Variants in GRIA4 observed in about 807,000 individuals in gnomAD.
The protein encoded by GRIA4 is glutamate receptor 4.
A neutral mutation model predicts 104.0 loss-of-function variants in GRIA4; 34 were observed. The observed-to-expected ratio is 0.33, with a 90% CI of 0.25 to 0.44. The LOEUF (loss-of-function observed/expected upper bound fraction) is 0.44, where lower values mean the gene tolerates loss of function less well. Ranked by LOEUF, GRIA4 falls within the 20% of genes least tolerant of loss-of-function variation. The probability of loss-of-function intolerance (pLI) is 1.00; values close to 1 mark genes in which losing one functional copy is unlikely to be tolerated. For synonymous variants in GRIA4, 386 were observed against 381.9 expected (o/e 1.01, Z -0.13); for missense variants, 750 against 1,096.5 (o/e 0.68, Z 4.46).
chr11:105,913,506 A>G (rs780670431), intron 10 of GRIA4: 6 of 668,172 alleles, frequency 9.0e-6, no homozygotes, highest in Middle Eastern at 7.9e-4. Context: ...TAAGACTGTG[A>G]CCATATTGAT....
At chr11:105,838,792 G>A (rs1395702472) in intron 4 of GRIA4, among the ~76,000 whole-genome samples, 1 of 152,128 alleles carries the variant, frequency 6.6e-6, no homozygotes, top group Non-Finnish European at 1.5e-5. Context: ...GCCTGAGGCA[G>A]GATTGCTACC....
chr11:105,679,829 T>A (rs7130919), intron 3 of GRIA4, among the ~76,000 whole-genome samples: 148,035 of 152,218 alleles, frequency 0.97, 72,083 homozygotes, highest in Non-Finnish European at 1. Context: ...CTCAGCAAGA[T>A]CCTCAGCTGG....
intron 3 of GRIA4, among the ~76,000 whole-genome samples, chr11:105,644,386 G>C (rs954495173): frequency 1.3e-5 from 2 of 149,848 alleles, no homozygotes; most frequent in Non-Finnish European, 3.0e-5. Context: ...GAGATCAGGA[G>C]TTTGAGACCA....
chr11:105,788,002 A>C (rs1942048761), intron 4 of GRIA4, among the ~76,000 whole-genome samples: 1 of 152,172 alleles, frequency 6.6e-6, no homozygotes, highest in Non-Finnish European at 1.5e-5. Context: ...CAGATGAAAG[A>C]TAGAAAGGCA....
chr11:105,794,564 C>A (rs1942400743), intron 4 of GRIA4, among the ~76,000 whole-genome samples: 1 of 125,062 alleles, frequency 8.0e-6, no homozygotes, highest in Non-Finnish European at 1.7e-5. Context: ...ACATATCTAT[C>A]TATATCTATC....
intron 4 of GRIA4, among the ~76,000 whole-genome samples, chr11:105,849,673 C>T (rs1407628473): frequency 6.6e-6 from 1 of 152,172 alleles, no homozygotes; most frequent in East Asian, 1.9e-4. Flanking sequence ...GCTCTATAAG[C>T]TTGGAAGCAG....
intron 3 of GRIA4, among the ~76,000 whole-genome samples, chr11:105,647,799 G>A (rs1443672385): frequency 1.3e-5 from 2 of 151,960 alleles, no homozygotes; most frequent in African/African-American, 4.8e-5. Context: ...TTTGGAGGGT[G>A]CAGTGTAGGA....
intron 4 of GRIA4, among the ~76,000 whole-genome samples, chr11:105,829,542 G>C (rs1396157646): frequency 6.6e-6 from 1 of 151,892 alleles, no homozygotes; most frequent in African/African-American, 2.4e-5. Context: ...AAGGGACTTT[G>C]CCAGGCAGTT....
At chr11:105,787,616 C>G (rs777751582) in intron 4 of GRIA4, among the ~76,000 whole-genome samples, 4 of 151,290 alleles carry the variant, frequency 2.6e-5, no homozygotes, top group African/African-American at 7.3e-5. Context: ...GCTGGGATTA[C>G]AGGCCTGTAC....
Position 105,917,233 on chromosome 11 carries a change from A to T in GRIA4, c.1270-1479A>T, listed in dbSNP as rs185726080. ...CCAGGGTTAGAATATTCATCAAATT[A>T]AAAAAAGTGGGAGGTTTCTGGGTCA... On this transcript the variant is annotated intron_variant, in intron 10 of 16. Transcript: ENST00000282499. Among the ~76,000 whole-genome samples, 84 of 152,274 alleles carry T rather than the reference A, an allele frequency of 5.5e-4. 1 individual carries two copies. Among genetic ancestry groups the T allele is most frequent in the African/African-American group, 1.9e-3 (77 of 41,566 alleles).
chr11:105,932,112 C>T (rs1327668880), intron 13 of GRIA4, among the ~76,000 whole-genome samples: 1 of 151,590 alleles, frequency 6.6e-6, no homozygotes, highest in African/African-American at 2.4e-5. Context: ...AATGCAGTTG[C>T]ACCAGACAAG....
chr11:105,970,153 C>CAA (rs1294300548), intron 14 of GRIA4, among the ~76,000 whole-genome samples: 1 of 151,836 alleles, frequency 6.6e-6, no homozygotes, highest in African/African-American at 2.4e-5. Context: ...GATTTTAATC[C>CAA]AAAAAACAAC....
intron 3 of GRIA4, among the ~76,000 whole-genome samples, chr11:105,629,796 A>C (rs1950985668): frequency 6.6e-6 from 1 of 152,186 alleles, no homozygotes; most frequent in South Asian, 2.1e-4. Context: ...TGTTGTCTAA[A>C]TATCTTGCCC....
At chr11:105,856,649 G>T (rs1945018073) in intron 4 of GRIA4, among the ~76,000 whole-genome samples, 1 of 152,116 alleles carries the variant, frequency 6.6e-6, no homozygotes, top group South Asian at 2.1e-4. Context: ...CACTGCTTTG[G>T]ATGAAGGGGT....
chr11:105,806,659 T>C (rs1035156416), intron 4 of GRIA4, among the ~76,000 whole-genome samples: 2 of 151,734 alleles, frequency 1.3e-5, no homozygotes, highest in African/African-American at 4.8e-5. Flanking sequence ...AAATTTTGTA[T>C]ATTGAATGGT....
At chr11:105,627,461 T>C (rs931865520) in intron 3 of GRIA4, among the ~76,000 whole-genome samples, 2 of 152,192 alleles carry the variant, frequency 1.3e-5, no homozygotes, top group Admixed American at 1.3e-4. Flanking sequence ...AACATAATTA[T>C]GTTTGTGTGT....
intron 14 of GRIA4, among the ~76,000 whole-genome samples, chr11:105,959,445 G>C (rs1231547612): frequency 6.6e-6 from 1 of 152,130 alleles, no homozygotes; most frequent in African/African-American, 2.4e-5. Context: ...GTGTTTTTCA[G>C]TTCTATCAGG....
chr11:105,631,747 G>C (rs1349137676), intron 3 of GRIA4, among the ~76,000 whole-genome samples: 1 of 152,176 alleles, frequency 6.6e-6, no homozygotes. Flanking sequence ...ATGCTGGAAA[G>C]ACAGAAGCAA....
chr11:105,792,938 A>G (rs1224771556), intron 4 of GRIA4, among the ~76,000 whole-genome samples: 1 of 152,080 alleles, frequency 6.6e-6, no homozygotes, highest in African/African-American at 2.4e-5. Context: ...TATGATCCCT[A>G]CTATATACTC....
Sources: gnomAD v4.1 joint callset for allele counts (sites outside exome capture counted in the v4.1 genomes callset) on GRCh38, gnomAD v4.1.1 for gene constraint, MANE v1.5 for transcripts, NCBI Gene and HGNC (gene_info 2026-07-23, HGNC 2026-07-21) for gene names.